TJP1: variants seen among roughly 807,000 people sequenced by gnomAD.
TJP1 encodes the protein tight junction protein 1, also known as tight junction protein ZO-1.
Under a neutral mutation model 194.2 loss-of-function variants are expected in TJP1, and 43 were observed. That is an observed-to-expected ratio of 0.22 (90% CI 0.17 to 0.29). The LOEUF is 0.29. Ranked by LOEUF, TJP1 falls within the 10% of genes least tolerant of loss-of-function variation. The pLI is 1.00. For synonymous variants in TJP1, 801 were observed against 779.0 expected, an observed-to-expected ratio of 1.03 and a Z score of -0.47; for missense variants, 1,971 against 2,185.7, an observed-to-expected ratio of 0.90 and a Z score of 1.96.
At chr15:29,873,553 A>G (rs2052597785) in intron 2 of TJP1, among the ~76,000 whole-genome samples, 1 of 152,246 alleles carries the variant, frequency 6.6e-6, no homozygotes, top group African/African-American at 2.4e-5. Flanking sequence ...TGTTAAGAAA[A>G]TATGGAGAGC....
At chr15:29,867,442 G>T (rs2052346866) in intron 2 of TJP1, among the ~76,000 whole-genome samples, 1 of 152,158 alleles carries the variant, frequency 6.6e-6, no homozygotes, top group South Asian at 2.1e-4. Context: ...TTCACATTGG[G>T]CCTTGCTGGC....
chr15:29,820,625 T>C, intron 1 of TJP1: 1 of 714,748 alleles, frequency 1.4e-6, no homozygotes. Context: ...GAGATCACAC[T>C]TCAGGAACAA....
intron 15 of TJP1, chr15:29,730,627 G>T: frequency 1.6e-6 from 1 of 621,512 alleles, no homozygotes; most frequent in Non-Finnish European, 3.0e-6. Flanking sequence ...GTGTGAAGAA[G>T]AGGCGAGAAC....
At chr15:29,764,949 GA>G (rs1326430442) in intron 5 of TJP1, among the ~76,000 whole-genome samples, 2 of 149,762 alleles carry the variant, frequency 1.3e-5, no homozygotes, top group African/African-American at 2.5e-5. Flanking sequence ...CTGAGGAAAA[GA>G]AAAAAAAAGT....
intron 2 of TJP1, among the ~76,000 whole-genome samples, chr15:29,869,422 G>C (rs148064423): frequency 1.3e-5 from 2 of 152,328 alleles, no homozygotes; most frequent in East Asian, 3.9e-4. Flanking sequence ...GTGTGTGTTA[G>C]ACGTGACATC....
At position 29,822,318 on chromosome 15, in the gene TJP1, G is replaced by C. The variant is rs2050451481; in HGVS notation, c.-290C>G. On this transcript the variant is annotated 5_prime_UTR_variant, in exon 1 of 28. Coordinates refer to ENST00000614355, the MANE Select transcript of TJP1 (RefSeq NM_001330239.4). ...CAGCTTTCGCAGCCCGGCCACGTCG[G>C]CCTCGCCCGGTCGCCCGCCCGTCAG... is the stretch of plus-strand genomic sequence containing the variant. 9.1e-7 allele frequency: 1 copy of C among 1,097,316 alleles called. No individual in the cohort carries two copies. Among genetic ancestry groups the C allele is most frequent in the African/African-American group, 1.6e-5 (1 of 60,706 alleles). The allele number at this position is 1,097,316 out of a possible 1,614,324, so 68.0% of individuals were successfully genotyped here. A position where few individuals can be genotyped will look rare whatever the true frequency, so the allele number is the denominator to read the frequency against.
intron 1 of TJP1, among the ~76,000 whole-genome samples, chr15:29,956,932 A>T (rs1198736195): frequency 6.6e-6 from 1 of 152,092 alleles, no homozygotes; most frequent in Non-Finnish European, 1.5e-5. Context: ...CAATTCTACA[A>T]CTATTGAAGA....
intron 2 of TJP1, among the ~76,000 whole-genome samples, chr15:29,890,464 A>G (rs1291084089): frequency 1.3e-5 from 2 of 152,160 alleles, no homozygotes; most frequent in African/African-American, 4.8e-5. Flanking sequence ...AAGCAATTAC[A>G]TATGTTTCTG....
chr15:29,728,119 T>C (rs2043356135), intron 15 of TJP1, 100 bp from the exon 16 acceptor site: 1 of 942,448 alleles, frequency 1.1e-6, no homozygotes, highest in Non-Finnish European at 1.7e-6. Context: ...GACTGGATAG[T>C]ACTTTGTTTG....
In TJP1 at chr15:29,906,095, G is replaced by A. The variant is rs182208814; in HGVS notation, c.306+50137C>T. On this transcript the variant is annotated intron_variant, in intron 2 of 28. Transcript: ENST00000356107. Reference sequence around the variant, plus strand: ...GGTGTGGATATTAATAGTGAGGGAGGCTATGCCTACGTGGGTGCAAGGGGT... The same window carrying A: ...GGTGTGGATATTAATAGTGAGGGAGACTATGCCTACGTGGGTGCAAGGGGT... Among the ~76,000 whole-genome samples the A allele has an allele frequency of 1.8e-4, 27 of 152,192 alleles. No homozygotes were observed. The East Asian group carries it at 4.6e-3, about 26-fold the overall frequency.
chr15:29,772,369 G>C (rs2046746982), intron 3 of TJP1, among the ~76,000 whole-genome samples: 1 of 152,200 alleles, frequency 6.6e-6, no homozygotes, highest in Non-Finnish European at 1.5e-5. Flanking sequence ...ACTAACCACA[G>C]GTCCTTAATT....
intron 2 of TJP1, among the ~76,000 whole-genome samples, chr15:29,891,790 G>A (rs1380000711): frequency 1.3e-5 from 2 of 152,088 alleles, no homozygotes; most frequent in African/African-American, 4.8e-5. Flanking sequence ...TCCACTGACC[G>A]GCCATTCCCC....
intron 2 of TJP1, among the ~76,000 whole-genome samples, chr15:29,905,360 G>A (rs1311001710): frequency 2.0e-5 from 3 of 152,056 alleles, no homozygotes; most frequent in Non-Finnish European, 4.4e-5. Context: ...GTTAAAACTG[G>A]AAAAAAATCT....
chr15:29,741,179 A>C, intron 10 of TJP1, 152 bp downstream of exon 10: 1 of 605,346 alleles, frequency 1.7e-6, no homozygotes, highest in Non-Finnish European at 2.8e-6. Flanking sequence ...ATCATATATA[A>C]GTAGCAGAAT....
At chr15:29,837,567 T>C (rs2051076139) in intron 2 of TJP1, among the ~76,000 whole-genome samples, 1 of 152,094 alleles carries the variant, frequency 6.6e-6, no homozygotes, top group African/African-American at 2.4e-5. Flanking sequence ...TCAAAAAAAA[T>C]TAAAAACAAA....
chr15:29,877,977 T>C (rs910712956), intron 2 of TJP1, among the ~76,000 whole-genome samples: 1 of 151,870 alleles, frequency 6.6e-6, no homozygotes, highest in Non-Finnish European at 1.5e-5. Context: ...GATTATTTCA[T>C]TGTTTAAAAC....
intron 15 of TJP1, chr15:29,728,748 A>T (rs1193615575): frequency 6.6e-6 from 1 of 152,236 alleles, no homozygotes; most frequent in Non-Finnish European, 1.5e-5. Flanking sequence ...GATCAGACAA[A>T]GGCAGAGATC....
intron 1 of TJP1, among the ~76,000 whole-genome samples, chr15:29,962,586 C>T (rs2056198801): frequency 6.6e-6 from 1 of 152,194 alleles, no homozygotes; most frequent in Non-Finnish European, 1.5e-5. Context: ...TGTCCCCTTC[C>T]TCCACTTGAG....
chr15:29,851,194 G>C (rs929303926), intron 2 of TJP1, among the ~76,000 whole-genome samples: 1 of 151,408 alleles, frequency 6.6e-6, no homozygotes, highest in Non-Finnish European at 1.5e-5. Flanking sequence ...GAAAAGACCA[G>C]CTCTTTAGGG....
Sources: gnomAD v4.1 joint callset for allele counts (sites outside exome capture counted in the v4.1 genomes callset) on GRCh38, gnomAD v4.1.1 for gene constraint, MANE v1.5 for transcripts, NCBI Gene and HGNC (gene_info 2026-07-23, HGNC 2026-07-21) for gene names.